The following HSPA12A variants were observed in gnomAD, a reference collection of about 807,000 sequenced individuals.
HSPA12A encodes heat shock 70 kDa protein 12A.
Under a neutral mutation model 69.2 loss-of-function variants are expected in HSPA12A, and 28 were observed. That is an observed-to-expected ratio of 0.40 (90% CI 0.30 to 0.55). The LOEUF (loss-of-function observed/expected upper bound fraction) is 0.55, where lower values mean the gene tolerates loss of function less well. Among genes scored for constraint, HSPA12A ranks in the 20% least tolerant of loss-of-function variants. The pLI is 0.38. For missense variants in HSPA12A, 686 were observed against 900.7 expected (o/e 0.76, Z 3.05); for synonymous variants, 345 against 370.5 (o/e 0.93, Z 0.79).
intron 1 of HSPA12A, among the ~76,000 whole-genome samples, chr10:116,841,069 T>G (rs1350880446): frequency 6.6e-6 from 1 of 152,214 alleles, no homozygotes; most frequent in African/African-American, 2.4e-5. Flanking sequence ...GACACCCAGA[T>G]ACTTCTAATC....
chr10:116,733,146 T>G (rs1455149850), intron 1 of HSPA12A, among the ~76,000 whole-genome samples: 2 of 152,204 alleles, frequency 1.3e-5, no homozygotes, highest in Non-Finnish European at 2.9e-5. Context: ...TCTGAAACTT[T>G]CATCTGTCCT....
chr10:116,802,227 C>A (rs1844972761), intron 2 of HSPA12A, among the ~76,000 whole-genome samples: 1 of 152,106 alleles, frequency 6.6e-6, no homozygotes, highest in Admixed American at 6.6e-5. Flanking sequence ...ACTGAATCTC[C>A]CAGAGTAGGA....
chr10:116,740,671 TGTGTCTGTGTGTGTGTGTGTGTGTGC>T lies in HSPA12A; in HGVS notation c.40+1733_40+1758del, dbSNP rs1256719217. The stretch of plus-strand genomic sequence containing the variant: ...GTGTGTGTGTGTGTGTGTGTGTGTG[TGTGTCTGTGTGTGTGTGTGTGTGTGC>T]GTGTGTGTGTGTGTTAGGATAGGGG... On this transcript the variant is annotated intron_variant, in intron 1 of 11. Transcript: ENST00000369209. 0.018 allele frequency among the ~76,000 whole-genome samples: 60 copies of T among 3,334 alleles called. 1 individual carries two copies. The South Asian group carries it at 0.28, about 15-fold the overall frequency. 2.2% of individuals were successfully genotyped at this position (3,334 alleles called of 152,430 possible). A position where few individuals can be genotyped will look rare whatever the true frequency, so the allele number is the denominator to read the frequency against.
At chr10:116,685,396 A>T (rs1554879384) in intron 6 of HSPA12A, among the ~76,000 whole-genome samples, 3 of 151,924 alleles carry the variant, frequency 2.0e-5, no homozygotes, top group Non-Finnish European at 4.4e-5. Context: ...GCACTTTGGG[A>T]GGCTGAGGCG....
intron 1 of HSPA12A, among the ~76,000 whole-genome samples, chr10:116,738,019 T>C (rs1204576574): frequency 6.6e-6 from 1 of 152,206 alleles, no homozygotes; most frequent in African/African-American, 2.4e-5. Flanking sequence ...ACGCTGCTCA[T>C]TCATTAAAAG....
At position 116,831,379 on chromosome 10, in the gene HSPA12A, T is replaced by G. The variant is rs540595416; in HGVS notation, c.91+3556A>C. 2.0e-5 allele frequency: 3 copies of G among 152,300 alleles called. No homozygotes were observed. The South Asian group carries it at 6.2e-4, about 32-fold the overall frequency. 9.4% of individuals were successfully genotyped at this position (152,300 alleles called of 1,614,324 possible). A position where few individuals can be genotyped will look rare whatever the true frequency, so the allele number is the denominator to read the frequency against. On this transcript the variant is annotated intron_variant, in intron 2 of 12. Transcript: ENST00000635765. Reference sequence around the variant, plus strand: ...GGGGAACAAAAGGAAGAAAAGGCATTTATTCCAAGGATAAGAAAGGTTTGT... The same window carrying G: ...GGGGAACAAAAGGAAGAAAAGGCATGTATTCCAAGGATAAGAAAGGTTTGT...
intron 10 of HSPA12A, among the ~76,000 whole-genome samples, chr10:116,678,559 G>C (rs1849309244): frequency 7.6e-6 from 1 of 131,736 alleles, no homozygotes; most frequent in Non-Finnish European, 1.5e-5. Context: ...GCTATGTAGA[G>C]CCCTCATTTG....
At position 116,679,695 on chromosome 10, in the gene HSPA12A, T is replaced by C. The variant is rs61753067; in HGVS notation, c.1094A>G (p.Glu365Gly). The change falls in exon 10 of 12, where the codon GAG (glutamate) becomes GGG (glycine). Residue 365 changes from glutamate (E) to glycine (G), a missense_variant. By Grantham distance (98) the Glu-to-Gly change is moderately conservative (BLOSUM62 -2). Transcript: ENST00000369209. ...GATTTTGAATTGTTCAATAAAATCC[T>C]CTCCAAATATTTTATACAGAAGTTT... ...FEKLLYKIFGEDFIEQFKIKR... is the reference protein window; with the variant it reads ...FEKLLYKIFGGDFIEQFKIKR... 0.017 allele frequency: 26,903 copies of C among 1,614,174 alleles called. 303 individuals are homozygous for C. The highest frequency in any genetic ancestry group is 0.02 in the Non-Finnish European group (23,755 of 1,180,008).
At chr10:116,805,381 T>G (rs1414862311) in intron 2 of HSPA12A, among the ~76,000 whole-genome samples, 6 of 148,520 alleles carry the variant, frequency 4.0e-5, no homozygotes, top group South Asian at 2.1e-4. Context: ...GAGTTGAAGG[T>G]TTTTTTTTGA....
In HSPA12A at chr10:116,710,958, G is replaced by C. The variant is rs1259818830; in HGVS notation, c.41-3673C>G. Among the ~76,000 whole-genome samples the C allele has an allele frequency of 6.6e-6, 1 of 152,158 alleles. No individual in the cohort carries two copies. The highest frequency in any genetic ancestry group is 1.5e-5 in the Non-Finnish European group (1 of 68,042). ...TGAGGAGAATGGGGAGTTTAATTCT[G>C]ATGTGTCCCAACAAGGCTTGAGATC... is the stretch of plus-strand genomic sequence containing the variant. On this transcript the variant is annotated intron_variant, in intron 1 of 11. Coordinates refer to ENST00000369209, the MANE Select transcript of HSPA12A (RefSeq NM_025015.3). This position sits in a 1 kb window ranked among gnomAD's most constrained non-coding sequence, Gnocchi z 4.1.
At chr10:116,845,283 T>G (rs1351570197) in intron 1 of HSPA12A, among the ~76,000 whole-genome samples, 1 of 152,172 alleles carries the variant, frequency 6.6e-6, no homozygotes, top group East Asian at 1.9e-4. Flanking sequence ...AGGGAGGGGC[T>G]GAATTTTGTT....
chr10:116,814,377 A>T (rs540380202), intron 2 of HSPA12A, among the ~76,000 whole-genome samples: 1 of 152,128 alleles, frequency 6.6e-6, no homozygotes, highest in Non-Finnish European at 1.5e-5. Flanking sequence ...CCATACAGGA[A>T]CCCCCTTTTT....
At chr10:116,803,367 G>A (rs1471297651) in intron 2 of HSPA12A, among the ~76,000 whole-genome samples, 4 of 152,216 alleles carry the variant, frequency 2.6e-5, no homozygotes, top group Non-Finnish European at 5.9e-5. Context: ...AGACAGTGGG[G>A]CTGGCAAGAG....
At chr10:116,846,643 T>G (rs2133229029) in intron 1 of HSPA12A, among the ~76,000 whole-genome samples, 1 of 152,330 alleles carries the variant, frequency 6.6e-6, no homozygotes, top group Admixed American at 6.5e-5. Context: ...CCACCGTGCC[T>G]GGCCTTGTTA....
chr10:116,705,592 T>A (rs1554882296), intron 2 of HSPA12A, among the ~76,000 whole-genome samples: 1 of 152,220 alleles, frequency 6.6e-6, no homozygotes, highest in Non-Finnish European at 1.5e-5. Flanking sequence ...TCAGGGCTGG[T>A]CGCCCAGTAG....
At chr10:116,785,771 A>G (rs1037756025) in intron 2 of HSPA12A, among the ~76,000 whole-genome samples, 1 of 152,154 alleles carries the variant, frequency 6.6e-6, no homozygotes, top group South Asian at 2.1e-4. Context: ...GGTCTCAGCC[A>G]TCCACCGGTT....
chr10:116,700,888 G>A (rs1850059097), intron 4 of HSPA12A, 55 bp downstream of exon 4: 21 of 1,568,852 alleles, frequency 1.3e-5, no homozygotes, highest in Non-Finnish European at 1.8e-5. Context: ...CAAGGCTGGA[G>A]GAAGCTTGGC....
At chr10:116,806,803 C>A (rs1430658516) in intron 2 of HSPA12A, among the ~76,000 whole-genome samples, 1 of 152,192 alleles carries the variant, frequency 6.6e-6, no homozygotes, top group Non-Finnish European at 1.5e-5. Context: ...GGGGATTGAC[C>A]CGTGGCCCCC....
intron 2 of HSPA12A, among the ~76,000 whole-genome samples, chr10:116,794,346 A>G (rs1441547773): frequency 6.6e-6 from 1 of 152,232 alleles, no homozygotes; most frequent in Non-Finnish European, 1.5e-5. Flanking sequence ...TTAAGGACAT[A>G]GAAAGGTTGG....
Sources: gnomAD v4.1 joint callset for allele counts (sites outside exome capture counted in the v4.1 genomes callset) on GRCh38, gnomAD v4.1.1 for gene constraint, Gnocchi (gnomAD v3.1) non-coding constraint, MANE v1.5 for transcripts, NCBI Gene and HGNC (gene_info 2026-07-23, HGNC 2026-07-21) for gene names.